S1PR2: variants seen among roughly 807,000 people sequenced by gnomAD.
S1PR2 encodes sphingosine 1-phosphate receptor 2.
Under a neutral mutation model 16.1 loss-of-function variants are expected in S1PR2, and 9 were observed. The ratio of observed to expected loss-of-function variants is 0.56; its 90% CI spans 0.34 to 0.98. The LOEUF (loss-of-function observed/expected upper bound fraction) is 0.98, where lower values mean the gene tolerates loss of function less well. S1PR2 is among the 50% of genes least tolerant of loss of function. The probability of loss-of-function intolerance (pLI) is 0.02; values close to 1 mark genes in which losing one functional copy is unlikely to be tolerated. For missense variants in S1PR2, 361 were observed against 488.4 expected (o/e 0.74, Z 2.46); for synonymous variants, 224 against 233.9 (o/e 0.96, Z 0.38).
intron 1 of S1PR2, among the ~76,000 whole-genome samples, chr19:10,230,198 C>CGAG: frequency 6.6e-6 from 1 of 152,366 alleles, no homozygotes; most frequent in East Asian, 1.9e-4. Context: ...GGCCCGCACT[C>CGAG]TCGGCCTCCT....
Position 10,224,406 on chromosome 19 carries a change from A to G in S1PR2, c.500T>C (p.Ile167Thr). The change falls in exon 2 of 2, where the codon ATC (isoleucine) becomes ACC (threonine). Residue 167 changes from isoleucine (I) to threonine (T), a missense_variant. Physicochemically the swap from Ile to Thr is moderately conservative, Grantham distance 89 (BLOSUM62 -1). Transcript: ENST00000646641. ...GTGGCCCAGGCAGTTCCAGCCAAGG[A>G]TGGGCAGGCCACCGAGGACCAGCGA... is the stretch of plus-strand genomic sequence containing the variant. Reference protein sequence around the residue: ...LISLVLGGLPILGWNCLGHLE... With the variant: ...LISLVLGGLPTLGWNCLGHLE... 1 of 1,613,784 alleles carries G rather than the reference A, an allele frequency of 6.2e-7. No individual in the cohort carries two copies. Among genetic ancestry groups the G allele is most frequent in the South Asian group, 1.1e-5 (1 of 91,088 alleles).
At chr19:10,225,300 G>A (rs570119315) in intron 1 of S1PR2, among the ~76,000 whole-genome samples, 2 of 151,782 alleles carry the variant, frequency 1.3e-5, no homozygotes, top group East Asian at 3.9e-4. Context: ...ATAGCTCCCT[G>A]CAGCCTTGAA....
chr19:10,230,982 G>T (rs2288940), intron 1 of S1PR2, among the ~76,000 whole-genome samples: 3 of 152,054 alleles, frequency 2.0e-5, no homozygotes, highest in Non-Finnish European at 4.4e-5. Flanking sequence ...ACTTCCTGCC[G>T]CTGAGAAAGG....
intron 1 of S1PR2, among the ~76,000 whole-genome samples, chr19:10,227,760 G>A (rs920868369): frequency 9.9e-5 from 15 of 152,170 alleles, no homozygotes; most frequent in African/African-American, 2.2e-4. Flanking sequence ...TATAGGCGAC[G>A]GGAGCTCAGG....
intron 1 of S1PR2, among the ~76,000 whole-genome samples, chr19:10,225,527 G>A (rs2039628603): frequency 6.6e-6 from 1 of 150,552 alleles, no homozygotes; most frequent in Non-Finnish European, 1.5e-5. Flanking sequence ...TTCCTGAGTA[G>A]CTGGGATTAC....
Position 10,223,863 on chromosome 19 carries a change from T to G in S1PR2, c.1043A>C (p.Glu348Ala). ...MHMPTSPTFL[E>A]GNTVV ...CCACCCTCAGACCACCGTGTTGCCC[T>G]CCAGAAACGTGGGTGACGTGGGCAT... Residue 348 changes from glutamate (E) to alanine (A), a missense_variant, in exon 2 of 2, where the codon GAG (glutamate) becomes GCG (alanine). Coordinates refer to ENST00000646641, the MANE Select transcript of S1PR2 (RefSeq NM_004230.4). 6.5e-7 allele frequency: 1 copy of G among 1,544,654 alleles called. No homozygotes were observed. The highest frequency in any genetic ancestry group is 2.3e-5 in the East Asian group (1 of 44,342).
intron 1 of S1PR2, among the ~76,000 whole-genome samples, chr19:10,230,797 G>A (rs1568277359): frequency 2.6e-5 from 4 of 152,302 alleles, no homozygotes; most frequent in East Asian, 1.9e-4. Context: ...CCGCCCCTTG[G>A]CTTGGAGGCT....
At chr19:10,227,206 G>A (rs946507892) in intron 1 of S1PR2, among the ~76,000 whole-genome samples, 2 of 151,584 alleles carry the variant, frequency 1.3e-5, no homozygotes, top group Non-Finnish European at 2.9e-5. Flanking sequence ...GAGAGTAGGG[G>A]GAGTCCTCCT....
Position 10,224,496 on chromosome 19 carries a change from A to C in S1PR2, c.410T>G (p.Val137Gly). ...AIERHVAIAK[V>G]KLYGSDKSCR... ...GCTCTTGTCGCTGCCATACAGCTTG[A>C]CCTTGGCAATGGCCACGTGGCGCTC... The change falls in exon 2 of 2, where the codon GTC becomes GGC. Residue 137 changes from valine (V) to glycine (G), a missense_variant. Transcript: ENST00000646641. 1 of 1,613,862 alleles carries C rather than the reference A, an allele frequency of 6.2e-7. No homozygotes were observed. The highest frequency in any genetic ancestry group is 8.5e-7 in the Non-Finnish European group (1 of 1,180,032).
At chr19:10,230,221 G>C (rs181868498) in intron 1 of S1PR2, among the ~76,000 whole-genome samples, 16 of 152,250 alleles carry the variant, frequency 1.1e-4, no homozygotes, top group Middle Eastern at 3.4e-3. Flanking sequence ...TCTGGTTTAG[G>C]AATGCGCGGT....
At chr19:10,230,968 G>T (rs531790156) in intron 1 of S1PR2, among the ~76,000 whole-genome samples, 2 of 152,172 alleles carry the variant, frequency 1.3e-5, no homozygotes, top group Non-Finnish European at 2.9e-5. Context: ...TCTCCCCGGC[G>T]CCAACTTCCT....
At chr19:10,229,359 G>A (rs941899551) in intron 1 of S1PR2, among the ~76,000 whole-genome samples, 10 of 150,562 alleles carry the variant, frequency 6.6e-5, no homozygotes, top group Non-Finnish European at 7.4e-5. Context: ...GTGTGATCTC[G>A]GCTCACCACA....
chr19:10,224,552 G>A lies in S1PR2; in HGVS notation c.354C>T (p.Ala118=), dbSNP rs1290425178. 1 of 1,613,778 alleles carries A rather than the reference G, an allele frequency of 6.2e-7. No individual in the cohort carries two copies. The highest frequency in any genetic ancestry group is 8.5e-7 in the Non-Finnish European group (1 of 1,180,050). The stretch of plus-strand genomic sequence containing the variant: ...CGATGGCCAGGAGGCTGAAGACAGA[G>A]GCCGAGAGCGTGATGAAGGCAGAGC... The part of the protein sequence containing the change: ...REGSAFITLS[A]SVFSLLAIAI... The change falls in exon 2 of 2, where the codon GCC becomes GCT. Residue 118 remains alanine (A), a synonymous_variant. Coordinates refer to ENST00000646641, the MANE Select transcript of S1PR2 (RefSeq NM_004230.4).
chr19:10,230,088 G>A (rs1298594349), intron 1 of S1PR2, among the ~76,000 whole-genome samples: 3 of 152,254 alleles, frequency 2.0e-5, no homozygotes, highest in Admixed American at 2.0e-4. Context: ...GGAGCCTGGA[G>A]ACACCTCTGG....
chr19:10,225,901 T>A (rs1404350731), intron 1 of S1PR2, among the ~76,000 whole-genome samples: 1 of 152,014 alleles, frequency 6.6e-6, no homozygotes, highest in East Asian at 1.9e-4. Flanking sequence ...TGGAGTGCAG[T>A]GGCATGATCA....
chr19:10,228,227 G>A (rs1335920733), intron 1 of S1PR2, among the ~76,000 whole-genome samples: 4 of 151,730 alleles, frequency 2.6e-5, no homozygotes, highest in Non-Finnish European at 4.4e-5. Flanking sequence ...CAGGAGAATC[G>A]CTTGAACCCG....
rs200973983 is a variant in S1PR2, at chr19:10,223,983, G to A, written c.923C>T (p.Pro308Leu). 1.9e-4 allele frequency: 309 copies of A among 1,606,706 alleles called. 1 individual carries two copies. Among genetic ancestry groups the A allele is most frequent in the African/African-American group, 1.0e-3 (76 of 74,840 alleles). ...EVLRPLQCWR[P>L]GVGVQGRRRG... Reference sequence around the variant, plus strand: ...CCTCCGTCCTTGCACCCCCACCCCCGGCCTCCAGCACTGCAGCGGCCGAAG... The same window carrying A: ...CCTCCGTCCTTGCACCCCCACCCCCAGCCTCCAGCACTGCAGCGGCCGAAG... The change falls in exon 2 of 2, where the codon CCG becomes CTG. Residue 308 changes from proline to leucine, a missense_variant. Pro to Leu is a moderately conservative substitution (Grantham distance 98, BLOSUM62 -3). Transcript: ENST00000646641.
intron 1 of S1PR2, among the ~76,000 whole-genome samples, chr19:10,228,681 T>A (rs950572854): frequency 6.6e-6 from 1 of 152,166 alleles, no homozygotes; most frequent in Non-Finnish European, 1.5e-5. Context: ...GTTACCAGGT[T>A]TTGAGAAGGA....
At position 10,222,298 on chromosome 19, in the gene S1PR2, C is replaced by G. The variant is rs562092502; in HGVS notation, c.*1546G>C. The G allele has an allele frequency of 1.3e-5, 2 of 152,104 alleles. No individual in the cohort carries two copies. Among genetic ancestry groups the G allele is most frequent in the South Asian group, 4.2e-4 (2 of 4,804 alleles). 9.4% of individuals were successfully genotyped at this position (152,104 alleles called of 1,614,324 possible). ...CTTGAAACTGTCTCAAAAAAAAAAT[C>G]TTGAAAGAAGACACAGCGGGGTTCT... On this transcript the variant is annotated 3_prime_UTR_variant, in exon 2 of 2. Coordinates refer to ENST00000646641, the MANE Select transcript of S1PR2 (RefSeq NM_004230.4).
Sources: allele counts gnomAD v4.1 joint callset (sites outside exome capture counted in the v4.1 genomes callset), GRCh38; gene constraint gnomAD v4.1.1; transcripts MANE v1.5; gene names NCBI Gene and HGNC (gene_info 2026-07-23, HGNC 2026-07-21).